The following TNFSF4 variants were observed in gnomAD, a reference collection of about 807,000 sequenced individuals.
The protein encoded by TNFSF4 is tumor necrosis factor ligand superfamily member 4.
In TNFSF4, 4 loss-of-function variants were observed where a neutral mutation model predicts 7.3. That is an observed-to-expected ratio of 0.55 (90% confidence interval 0.27 to 1.25). TNFSF4 has a LOEUF of 1.25. TNFSF4 is among the 50% of genes most tolerant of loss of function. The pLI is 0.12. For missense variants in TNFSF4, 181 were observed against 208.8 expected, an observed-to-expected ratio of 0.87 and a Z score of 0.82; for synonymous variants, 76 against 83.7, an observed-to-expected ratio of 0.91 and a Z score of 0.50.
At chr1:173,385,516 T>TTA in the TNFSF4 span, among the ~76,000 whole-genome samples, 2 of 152,240 alleles carry the variant, frequency 1.3e-5, no homozygotes, top group Non-Finnish European at 2.9e-5. Context: ...TTCTGTAATG[T>TTA]TAGGGGCATC....
At chr1:173,282,120 G>A in the TNFSF4 span, among the ~76,000 whole-genome samples, 44 of 152,274 alleles carry the variant, frequency 2.9e-4, no homozygotes, top group South Asian at 7.7e-3. Context: ...AAGTTCTAGC[G>A]TTTGATTGCA....
chr1:173,348,229 G>T, the TNFSF4 span, among the ~76,000 whole-genome samples: 11 of 152,076 alleles, frequency 7.2e-5, no homozygotes, highest in Non-Finnish European at 2.9e-5. Context: ...AATTATGGGG[G>T]CAGTTTCCCC....
intron 1 of TNFSF4, chr1:173,205,421 C>T: frequency 6.3e-7 from 1 of 1,599,354 alleles, no homozygotes; most frequent in Non-Finnish European, 8.5e-7. Flanking sequence ...TTTTTCTCAA[C>T]ATCTCCTGGA....
the TNFSF4 span, chr1:173,363,494 C>A: frequency 2.3e-6 from 1 of 433,778 alleles, no homozygotes; most frequent in South Asian, 2.0e-5. Flanking sequence ...AGAATCATTT[C>A]AAGTTCCAAG....
chr1:173,399,414 G>A, the TNFSF4 span, among the ~76,000 whole-genome samples: 1 of 152,148 alleles, frequency 6.6e-6, no homozygotes, highest in South Asian at 2.1e-4. Flanking sequence ...GAAACAGTGG[G>A]CAGAACTTCA....
the TNFSF4 span, chr1:173,418,234 C>T: frequency 6.6e-6 from 1 of 152,228 alleles, no homozygotes; most frequent in Non-Finnish European, 1.5e-5. Flanking sequence ...ACTGAGCTGC[C>T]CACGGCACCA....
chr1:173,303,129 T>G, the TNFSF4 span, among the ~76,000 whole-genome samples: 1 of 151,848 alleles, frequency 6.6e-6, no homozygotes, highest in Non-Finnish European at 1.5e-5. Context: ...TCTTACAGAC[T>G]GAGTTTTTAA....
At chr1:173,404,346 A>C in the TNFSF4 span, among the ~76,000 whole-genome samples, 2 of 152,214 alleles carry the variant, frequency 1.3e-5, no homozygotes, top group African/African-American at 4.8e-5. Context: ...CCCCCATGGA[A>C]TTACCCACAG....
At chr1:173,305,388 G>T in the TNFSF4 span, among the ~76,000 whole-genome samples, 1 of 151,856 alleles carries the variant, frequency 6.6e-6, no homozygotes, top group Non-Finnish European at 1.5e-5. Flanking sequence ...GATGAAACAC[G>T]CTTAAGTGGA....
the TNFSF4 span, among the ~76,000 whole-genome samples, chr1:173,364,350 T>C: frequency 1.5e-4 from 22 of 148,862 alleles, no homozygotes; most frequent in African/African-American, 5.2e-4. Context: ...TTTAAATGGA[T>C]GTATGTGTAC....
intron 1 of TNFSF4, 60 bp downstream of exon 1, chr1:173,206,964 C>T (rs1327238085): frequency 1.3e-6 from 2 of 1,528,644 alleles, no homozygotes; most frequent in Non-Finnish European, 8.9e-7. Flanking sequence ...CTGTTTGCAG[C>T]TGTTGCAGCT....
chr1:173,300,140 T>TA, the TNFSF4 span, among the ~76,000 whole-genome samples: 3 of 138,926 alleles, frequency 2.2e-5, no homozygotes, highest in Non-Finnish European at 3.1e-5. Flanking sequence ...GATAGATAGA[T>TA]AATAAATAGA....
the TNFSF4 span, among the ~76,000 whole-genome samples, chr1:173,247,335 C>T: frequency 6.6e-6 from 1 of 152,152 alleles, no homozygotes; most frequent in Non-Finnish European, 1.5e-5. Flanking sequence ...AAACCTGTGG[C>T]TCCATGGAAA....
the TNFSF4 span, among the ~76,000 whole-genome samples, chr1:173,232,666 T>A: frequency 6.6e-6 from 1 of 152,028 alleles, no homozygotes; most frequent in Non-Finnish European, 1.5e-5. Context: ...TTATTGAGAG[T>A]TTTTAGCATG....
chr1:173,323,959 C>A, the TNFSF4 span, among the ~76,000 whole-genome samples: 60 of 152,320 alleles, frequency 3.9e-4, no homozygotes, highest in Middle Eastern at 3.4e-3. Flanking sequence ...TCCACAAGAA[C>A]TTCCCCAATC....
At chr1:173,361,352 T>C in the TNFSF4 span, among the ~76,000 whole-genome samples, 2 of 152,136 alleles carry the variant, frequency 1.3e-5, no homozygotes, top group African/African-American at 4.8e-5. Flanking sequence ...TTCATAAGTA[T>C]GACCAACAAC....
At chr1:173,341,314 A>T in the TNFSF4 span, among the ~76,000 whole-genome samples, 1 of 152,210 alleles carries the variant, frequency 6.6e-6, no homozygotes, top group Admixed American at 6.5e-5. Context: ...TCAAATCATG[A>T]GCCAACGAGC....
chr1:173,222,620 C>A, the TNFSF4 span, among the ~76,000 whole-genome samples: 1 of 152,198 alleles, frequency 6.6e-6, no homozygotes, highest in African/African-American at 2.4e-5. Flanking sequence ...TACATCCTAA[C>A]ATATGAATAC....
At chr1:173,423,486 G>T in the TNFSF4 span, among the ~76,000 whole-genome samples, 1 of 152,274 alleles carries the variant, frequency 6.6e-6, no homozygotes, top group African/African-American at 2.4e-5. Context: ...CTTGATGACT[G>T]GTGATGATGA....
Sources: gnomAD v4.1 joint callset for allele counts (sites outside exome capture counted in the v4.1 genomes callset) on GRCh38, gnomAD v4.1.1 for gene constraint, MANE v1.5 for transcripts, NCBI Gene and HGNC (gene_info 2026-07-23, HGNC 2026-07-21) for gene names.